Variants in GALNT13 observed in about 807,000 individuals in gnomAD.
The protein encoded by GALNT13 is polypeptide N-acetylgalactosaminyltransferase 13, also known as UDP-GalNAc:polypeptide N-acetylgalactosaminyltransferase 13.
Under a neutral mutation model 64.2 loss-of-function variants are expected in GALNT13, and 28 were observed. The observed-to-expected ratio is 0.44, with a 90% CI of 0.32 to 0.60. The LOEUF is 0.60. Among genes scored for constraint, GALNT13 ranks in the 20% least tolerant of loss-of-function variants. The pLI, the probability that GALNT13 is intolerant of heterozygous loss-of-function variation, is 0.05. For missense variants in GALNT13, 577 were observed against 669.8 expected (o/e 0.86, Z 1.53); for synonymous variants, 214 against 224.6 (o/e 0.95, Z 0.42).
chr2:153,754,443 G>T, the GALNT13 span, among the ~76,000 whole-genome samples: 1 of 152,086 alleles, frequency 6.6e-6, no homozygotes, highest in South Asian at 2.1e-4. Flanking sequence ...CAAGACACTG[G>T]GTTCCCTTCT....
the GALNT13 span, among the ~76,000 whole-genome samples, chr2:153,758,227 T>C: frequency 1.3e-5 from 2 of 152,260 alleles, no homozygotes; most frequent in East Asian, 1.9e-4. Context: ...ATATCCTTTA[T>C]TGAAGAGACT....
chr2:154,372,624 T>C (rs991069810), intron 9 of GALNT13, among the ~76,000 whole-genome samples: 3 of 152,124 alleles, frequency 2.0e-5, no homozygotes, highest in Non-Finnish European at 2.9e-5. Context: ...TTAAGAAATT[T>C]CTTAGGAAGT....
the GALNT13 span, among the ~76,000 whole-genome samples, chr2:153,465,525 C>CATTA: frequency 6.6e-6 from 1 of 151,216 alleles, no homozygotes. Context: ...CCATTATCAC[C>CATTA]TTTTACTCAT....
At chr2:153,645,221 G>A in the GALNT13 span, among the ~76,000 whole-genome samples, 2 of 152,040 alleles carry the variant, frequency 1.3e-5, no homozygotes, top group Non-Finnish European at 2.9e-5. Context: ...GGCTAGATGT[G>A]GCTTTGCTCA....
intron 1 of GALNT13, among the ~76,000 whole-genome samples, chr2:153,885,975 G>C (rs1248740589): frequency 6.6e-6 from 1 of 151,884 alleles, no homozygotes; most frequent in Non-Finnish European, 1.5e-5. Flanking sequence ...AATAATCATA[G>C]TTAGCTTTCT....
the GALNT13 span, among the ~76,000 whole-genome samples, chr2:153,500,023 C>T: frequency 6.6e-6 from 1 of 152,198 alleles, no homozygotes; most frequent in Non-Finnish European, 1.5e-5. Flanking sequence ...ATGCCTCCCC[C>T]ACTGCAGCTG....
At chr2:153,615,039 C>T in the GALNT13 span, among the ~76,000 whole-genome samples, 1 of 152,074 alleles carries the variant, frequency 6.6e-6, no homozygotes, top group Non-Finnish European at 1.5e-5. Context: ...CCATCAATCC[C>T]AGCGTCTGGT....
the GALNT13 span, among the ~76,000 whole-genome samples, chr2:153,465,477 G>A: frequency 6.7e-6 from 1 of 150,122 alleles, no homozygotes; most frequent in South Asian, 2.1e-4. Context: ...AGTGTGGCTG[G>A]GACTACATCT....
chr2:153,791,904 G>A, the GALNT13 span, among the ~76,000 whole-genome samples: 9 of 152,124 alleles, frequency 5.9e-5, no homozygotes, highest in East Asian at 1.6e-3. Context: ...TGATACTGGA[G>A]CATACTTGAG....
At chr2:153,080,474 T>G in the GALNT13 span, among the ~76,000 whole-genome samples, 594 of 152,236 alleles carry the variant, frequency 3.9e-3, 1 homozygote, top group Admixed American at 0.01. Flanking sequence ...AAGGCTCTTT[T>G]TGTGTTAACA....
chr2:154,446,684 A>G, intron 12 of GALNT13: 4 of 1,548,632 alleles, frequency 2.6e-6, no homozygotes, highest in Non-Finnish European at 3.5e-6. Context: ...AAAAATGGCT[A>G]CTAAGAAACT....
the GALNT13 span, among the ~76,000 whole-genome samples, chr2:153,333,336 C>T: frequency 1.2e-3 from 178 of 152,242 alleles, 1 homozygote; most frequent in African/African-American, 4.0e-3. Context: ...AGGTGAGTCA[C>T]GGAGGGAGGT....
intron 8 of GALNT13, among the ~76,000 whole-genome samples, chr2:154,278,823 T>A (rs1415358594): frequency 1.3e-5 from 2 of 152,112 alleles, no homozygotes; most frequent in Non-Finnish European, 1.5e-5. Flanking sequence ...AAAATCTTTT[T>A]AAGACATTTG....
the GALNT13 span, among the ~76,000 whole-genome samples, chr2:153,400,276 C>T: frequency 6.6e-6 from 1 of 151,870 alleles, no homozygotes; most frequent in Non-Finnish European, 1.5e-5. Context: ...GGATGAAGCC[C>T]ACTTCATCAT....
At chr2:153,825,650 GTGTA>G in the GALNT13 span, among the ~76,000 whole-genome samples, 7 of 149,724 alleles carry the variant, frequency 4.7e-5, no homozygotes, top group Non-Finnish European at 1.0e-4. Context: ...GTGTGTGTGT[GTGTA>G]TCCACTGAAA....
At chr2:153,565,068 G>A in the GALNT13 span, among the ~76,000 whole-genome samples, 1 of 152,182 alleles carries the variant, frequency 6.6e-6, no homozygotes, top group Non-Finnish European at 1.5e-5. Flanking sequence ...GTCTCCAGAT[G>A]AGGACATGGG....
the GALNT13 span, among the ~76,000 whole-genome samples, chr2:153,440,483 G>T: frequency 2.0e-5 from 3 of 152,108 alleles, no homozygotes; most frequent in Admixed American, 6.6e-5. Flanking sequence ...GGATTGCTGG[G>T]TCAAATGGTA....
At chr2:154,019,335 T>C (rs1465785012) in intron 3 of GALNT13, among the ~76,000 whole-genome samples, 3 of 152,084 alleles carry the variant, frequency 2.0e-5, no homozygotes, top group Non-Finnish European at 4.4e-5. Context: ...CTTTAGCATA[T>C]TTGAAAAATA....
intron 4 of GALNT13, among the ~76,000 whole-genome samples, chr2:154,179,177 C>A (rs1320847624): frequency 6.6e-6 from 1 of 152,118 alleles, no homozygotes; most frequent in African/African-American, 2.4e-5. Flanking sequence ...AAGTAGTAAC[C>A]ATTACCAGAA....
Sources: gnomAD v4.1 joint callset for allele counts (sites outside exome capture counted in the v4.1 genomes callset) on GRCh38, gnomAD v4.1.1 for gene constraint, MANE v1.5 for transcripts, NCBI Gene and HGNC (gene_info 2026-07-23, HGNC 2026-07-21) for gene names.